The following LRFN5 variants were observed in gnomAD, a reference collection of about 807,000 sequenced individuals.
LRFN5 encodes the protein leucine rich repeat and fibronectin type III domain containing 5.
Under a neutral mutation model 45.6 loss-of-function variants are expected in LRFN5, and 24 were observed. That is an observed-to-expected ratio of 0.53 (90% CI 0.38 to 0.74). LRFN5 has a LOEUF of 0.74. Ranked by LOEUF, LRFN5 falls within the 30% of genes least tolerant of loss-of-function variation. The pLI is 0.00. For synonymous variants in LRFN5, 340 were observed against 313.8 expected (o/e 1.08, Z -0.88); for missense variants, 776 against 861.5 (o/e 0.90, Z 1.24).
chr14:41,803,678 G>C (rs1440292078), intron 2 of LRFN5, among the ~76,000 whole-genome samples: 2 of 152,002 alleles, frequency 1.3e-5, no homozygotes, highest in African/African-American at 4.8e-5. Context: ...TGTTGTTTTA[G>C]AACATTTTTG....
chr14:41,613,531 C>G (rs535513149), intron 1 of LRFN5, among the ~76,000 whole-genome samples: 1 of 151,890 alleles, frequency 6.6e-6, no homozygotes, highest in South Asian at 2.1e-4. Context: ...ATTTATTGCT[C>G]TAAAAAATCT....
At chr14:41,880,280 G>T (rs1378708355) in intron 2 of LRFN5, among the ~76,000 whole-genome samples, 1 of 151,412 alleles carries the variant, frequency 6.6e-6, no homozygotes, top group Admixed American at 6.6e-5. Flanking sequence ...TCTATTTTTT[G>T]ATCTGATTTC....
intron 1 of LRFN5, chr14:41,610,006 C>G (rs1887676875): frequency 6.6e-6 from 1 of 152,510 alleles, no homozygotes; most frequent in African/African-American, 2.4e-5. Flanking sequence ...TGCTGCAGCC[C>G]TCGCAGGCTG....
chr14:41,780,482 A>T (rs544412904), intron 2 of LRFN5, among the ~76,000 whole-genome samples: 1 of 152,052 alleles, frequency 6.6e-6, no homozygotes, highest in Admixed American at 6.6e-5. Context: ...CTTTGTCTGA[A>T]ATTGATATAG....
At position 41,721,298 on chromosome 14, in the gene LRFN5, A is replaced by C. The variant is rs148612266; in HGVS notation, c.-196-45556A>C. Among the ~76,000 whole-genome samples the C allele has an allele frequency of 9.8e-3, 1,486 of 152,280 alleles. 19 individuals carry two copies. The highest frequency in any genetic ancestry group is 0.023 in the South Asian group (110 of 4,828). ...GAGATGGGTTTCTTAAAGACAGCAG[A>C]TGGATGAATCTTGCTTTTTAATCCG... On this transcript the variant is annotated intron_variant, in intron 1 of 5. Coordinates refer to ENST00000298119, the MANE Select transcript of LRFN5 (RefSeq NM_152447.5).
chr14:41,674,359 C>T (rs1594604331), intron 1 of LRFN5, among the ~76,000 whole-genome samples: 3 of 141,316 alleles, frequency 2.1e-5, no homozygotes, highest in South Asian at 4.7e-4. Flanking sequence ...CCAGATGGGG[C>T]GGCTGGCCGG....
Position 41,904,190 on chromosome 14 carries a change from C to A in LRFN5, c.*15C>A. ...AGTTAATCTGAAGAGCACCACTTCT[C>A]CTCTCTCTCCTGAAAAAATTTGCCA... is the stretch of plus-strand genomic sequence containing the variant. On this transcript the variant is annotated 3_prime_UTR_variant, in exon 6 of 6. Transcript: ENST00000298119. 3 of 1,604,480 alleles carry A rather than the reference C, an allele frequency of 1.9e-6. No homozygotes were observed. Among genetic ancestry groups the A allele is most frequent in the Non-Finnish European group, 2.5e-6 (3 of 1,178,000 alleles).
intron 1 of LRFN5, among the ~76,000 whole-genome samples, chr14:41,726,764 A>G (rs1883953675): frequency 2.0e-5 from 3 of 152,190 alleles, no homozygotes; most frequent in Admixed American, 1.3e-4. Flanking sequence ...GTAAACATAC[A>G]TATTTACTAA....
intron 1 of LRFN5, among the ~76,000 whole-genome samples, chr14:41,726,201 T>C (rs1483271101): frequency 6.6e-6 from 1 of 152,146 alleles, no homozygotes; most frequent in East Asian, 1.9e-4. Flanking sequence ...CCTTCAATTA[T>C]TATTTTTTCA....
chr14:41,713,567 G>C (rs1883370554), intron 1 of LRFN5, among the ~76,000 whole-genome samples: 2 of 151,890 alleles, frequency 1.3e-5, no homozygotes, highest in African/African-American at 4.8e-5. Context: ...TAGTCAAAAG[G>C]CATAAAGATG....
At chr14:41,849,738 A>G (rs1028840692) in intron 2 of LRFN5, among the ~76,000 whole-genome samples, 9 of 151,990 alleles carry the variant, frequency 5.9e-5, no homozygotes, top group African/African-American at 1.9e-4. Flanking sequence ...GCGTCGGCTC[A>G]AAGGGAAGTA....
intron 1 of LRFN5, among the ~76,000 whole-genome samples, chr14:41,615,697 T>G (rs763541684): frequency 5.3e-5 from 8 of 152,152 alleles, no homozygotes; most frequent in Non-Finnish European, 1.2e-4. Flanking sequence ...GGCACTCATT[T>G]TAGATGTTAC....
chr14:41,841,797 A>G (rs752862832), intron 2 of LRFN5, among the ~76,000 whole-genome samples: 2 of 151,922 alleles, frequency 1.3e-5, no homozygotes, highest in Non-Finnish European at 2.9e-5. Flanking sequence ...AGATCTTATT[A>G]AATGTTTAGT....
chr14:41,734,008 T>C (rs1040056161), intron 1 of LRFN5, among the ~76,000 whole-genome samples: 3 of 139,408 alleles, frequency 2.2e-5, no homozygotes, highest in African/African-American at 8.4e-5. Flanking sequence ...TATATATATA[T>C]TTTTTCTTTT....
intron 1 of LRFN5, among the ~76,000 whole-genome samples, chr14:41,635,491 A>G (rs962478548): frequency 1.3e-5 from 2 of 152,138 alleles, no homozygotes; most frequent in African/African-American, 4.8e-5. Context: ...GAACTACAAC[A>G]ACCTCACTCG....
chr14:41,851,055 C>T lies in LRFN5; in HGVS notation c.-20-35551C>T, dbSNP rs1420228004. ...CATAGTATCTTATGCATTTGCCTTC[C>T]TTGCTTCAATACAATTAATTTAATT... On this transcript the variant is annotated intron_variant, in intron 2 of 5. Transcript: ENST00000298119. Among the ~76,000 whole-genome samples the T allele has an allele frequency of 3.3e-5, 5 of 151,572 alleles. No individual in the cohort carries two copies. The South Asian group carries it at 8.3e-4, about 25-fold the overall frequency.
intron 2 of LRFN5, among the ~76,000 whole-genome samples, chr14:41,781,996 G>A (rs1886545732): frequency 1.3e-5 from 2 of 151,928 alleles, no homozygotes; most frequent in Non-Finnish European, 2.9e-5. Flanking sequence ...TTCTCTAAAT[G>A]TATGTTTCTT....
At chr14:41,857,478 A>G (rs66565725) in intron 2 of LRFN5, among the ~76,000 whole-genome samples, 19,684 of 152,164 alleles carry the variant, frequency 0.13, 1,369 homozygotes, top group East Asian at 0.22. Context: ...TATATATGCT[A>G]CTTATTTTTT....
chr14:41,706,700 T>C (rs941746981), intron 1 of LRFN5, among the ~76,000 whole-genome samples: 6 of 152,224 alleles, frequency 3.9e-5, no homozygotes, highest in African/African-American at 1.4e-4. Flanking sequence ...AGCATCTTTT[T>C]ATGTGTTTGC....
Sources: allele counts gnomAD v4.1 joint callset (sites outside exome capture counted in the v4.1 genomes callset), GRCh38; gene constraint gnomAD v4.1.1; transcripts MANE v1.5; gene names NCBI Gene and HGNC (gene_info 2026-07-23, HGNC 2026-07-21).